NCALD: variants seen among roughly 807,000 people sequenced by gnomAD.
NCALD encodes the protein neurocalcin-delta.
NCALD carries 10 observed loss-of-function variants against 18.6 expected under a neutral mutation model. The ratio of observed to expected loss-of-function variants is 0.54; its 90% CI spans 0.33 to 0.91. NCALD has a LOEUF of 0.91. Ranked by LOEUF, NCALD falls within the 40% of genes least tolerant of loss-of-function variation. NCALD has a pLI of 0.03. For synonymous variants in NCALD, 88 were observed against 87.4 expected, an observed-to-expected ratio of 1.01 and a Z score of -0.04; for missense variants, 184 against 247.6, an observed-to-expected ratio of 0.74 and a Z score of 1.72.
At chr8:101,843,121 T>C (rs916586437) in intron 4 of NCALD, among the ~76,000 whole-genome samples, 1 of 152,300 alleles carries the variant, frequency 6.6e-6, no homozygotes, top group African/African-American at 2.4e-5. Flanking sequence ...AACGATTGCC[T>C]CTAGATAAGG....
At chr8:101,966,291 C>T (rs1820027258) in intron 2 of NCALD, among the ~76,000 whole-genome samples, 1 of 151,764 alleles carries the variant, frequency 6.6e-6, no homozygotes, top group African/African-American at 2.4e-5. Context: ...AAATGGAATA[C>T]TATGCAGCCA....
At chr8:102,024,806 A>G (rs1490828365) in intron 1 of NCALD, among the ~76,000 whole-genome samples, 1 of 152,154 alleles carries the variant, frequency 6.6e-6, no homozygotes, top group Non-Finnish European at 1.5e-5. Context: ...TACACTTTTG[A>G]TACATCACCC....
intron 2 of NCALD, among the ~76,000 whole-genome samples, chr8:101,958,281 C>T (rs1468415294): frequency 2.0e-5 from 3 of 152,044 alleles, no homozygotes; most frequent in Non-Finnish European, 4.4e-5. Flanking sequence ...ATCTAGTTGG[C>T]CAAGGATGGA....
chr8:101,719,127 TG>T, intron 2 of NCALD, 124 bp downstream of exon 2: 1 of 1,114,364 alleles, frequency 9.0e-7, no homozygotes, highest in Non-Finnish European at 1.3e-6. Context: ...ACATGCAGGG[TG>T]GGCCAAATGA....
At chr8:102,007,702 T>C (rs1334127959) in intron 2 of NCALD, among the ~76,000 whole-genome samples, 5 of 152,250 alleles carry the variant, frequency 3.3e-5, no homozygotes, top group Non-Finnish European at 2.9e-5. Flanking sequence ...CAGGTAATTA[T>C]AGAACCAAAC....
upstream of NCALD, among the ~76,000 whole-genome samples, chr8:101,792,967 C>G (rs1250009853): frequency 6.6e-6 from 1 of 151,530 alleles, no homozygotes; most frequent in African/African-American, 2.4e-5. Context: ...AAAACCAACA[C>G]TTTTACTTTG....
At chr8:102,099,353 A>C (rs892089818) in intron 1 of NCALD, among the ~76,000 whole-genome samples, 4 of 152,348 alleles carry the variant, frequency 2.6e-5, no homozygotes, top group African/African-American at 9.6e-5. Flanking sequence ...GAGCAGGTGG[A>C]AAAGAACATT....
At chr8:101,902,084 C>T (rs995044121) in intron 3 of NCALD, among the ~76,000 whole-genome samples, 3 of 152,226 alleles carry the variant, frequency 2.0e-5, no homozygotes, top group Non-Finnish European at 4.4e-5. Context: ...AGCCATCACA[C>T]CCACTACATT....
intron 1 of NCALD, among the ~76,000 whole-genome samples, chr8:102,060,140 C>G (rs1034331409): frequency 4.6e-5 from 7 of 152,124 alleles, no homozygotes; most frequent in Admixed American, 4.6e-4. Flanking sequence ...GCCACCATGC[C>G]TGGCTAATTT....
At chr8:101,822,742 G>A (rs1813773083) in intron 4 of NCALD, among the ~76,000 whole-genome samples, 1 of 152,164 alleles carries the variant, frequency 6.6e-6, no homozygotes, top group Non-Finnish European at 1.5e-5. Flanking sequence ...TCCAAAAGAT[G>A]CAACTCCAAC....
intron 4 of NCALD, among the ~76,000 whole-genome samples, chr8:101,806,094 G>C (rs1813090075): frequency 1.3e-5 from 2 of 152,124 alleles, no homozygotes; most frequent in Admixed American, 1.3e-4. Context: ...TATGCCCAAG[G>C]CTGTGCCCTC....
chr8:101,980,815 T>C (rs1172014945), intron 2 of NCALD, among the ~76,000 whole-genome samples: 1 of 152,214 alleles, frequency 6.6e-6, no homozygotes, highest in Non-Finnish European at 1.5e-5. Context: ...ACCATCCAGA[T>C]TGCATAGCCA....
At chr8:101,714,073 A>T (rs576942392) in intron 2 of NCALD, among the ~76,000 whole-genome samples, 1 of 152,360 alleles carries the variant, frequency 6.6e-6, no homozygotes, top group Admixed American at 6.5e-5. Context: ...TCCCTTTGAA[A>T]ATTGGCACAA....
intron 3 of NCALD, among the ~76,000 whole-genome samples, chr8:101,890,120 A>T (rs1186794254): frequency 6.6e-6 from 1 of 152,236 alleles, no homozygotes; most frequent in Non-Finnish European, 1.5e-5. Flanking sequence ...TGAAATGAAC[A>T]AAAGACCAGT....
chr8:101,950,686 C>T (rs78700851), intron 2 of NCALD, among the ~76,000 whole-genome samples: 1 of 152,148 alleles, frequency 6.6e-6, no homozygotes, highest in Non-Finnish European at 1.5e-5. Context: ...TGTGTCCCCC[C>T]ACTTGTTCCT....
chr8:101,822,916 G>A (rs866121728), intron 4 of NCALD, among the ~76,000 whole-genome samples: 2 of 152,194 alleles, frequency 1.3e-5, no homozygotes, highest in Middle Eastern at 3.4e-3. Flanking sequence ...TCCTTTGTTT[G>A]ACATACCTAA....
At chr8:101,998,975 G>T (rs1821339178) in intron 2 of NCALD, among the ~76,000 whole-genome samples, 1 of 150,376 alleles carries the variant, frequency 6.6e-6, no homozygotes, top group African/African-American at 2.5e-5. Context: ...CAAACTTAAT[G>T]GCAAAAAATG....
At chr8:101,806,882 A>G (rs538288394) in intron 4 of NCALD, among the ~76,000 whole-genome samples, 30 of 151,892 alleles carry the variant, frequency 2.0e-4, no homozygotes, top group African/African-American at 7.0e-4. Flanking sequence ...TGAAAGACAA[A>G]GACAAAAAAA....
At chr8:101,711,061 G>C (rs1815766821) in intron 2 of NCALD, among the ~76,000 whole-genome samples, 1 of 152,158 alleles carries the variant, frequency 6.6e-6, no homozygotes, top group Non-Finnish European at 1.5e-5. Flanking sequence ...AAAACTTCCA[G>C]AGGAAGGAGC....
Sources: allele counts gnomAD v4.1 joint callset (sites outside exome capture counted in the v4.1 genomes callset), GRCh38; gene constraint gnomAD v4.1.1; transcripts MANE v1.5; gene names NCBI Gene and HGNC (gene_info 2026-07-23, HGNC 2026-07-21).